The following CSMD3 variants were observed in gnomAD, a reference collection of about 807,000 sequenced individuals.
The protein encoded by CSMD3 is CUB and sushi domain-containing protein 3.
In CSMD3, 177 loss-of-function variants were observed where a neutral mutation model predicts 435.2. The ratio of observed to expected loss-of-function variants is 0.41; its 90% confidence interval spans 0.36 to 0.46. The LOEUF (loss-of-function observed/expected upper bound fraction) is 0.46. Among genes scored for constraint, CSMD3 ranks in the 20% least tolerant of loss-of-function variants. CSMD3 has a pLI of 0.34. For missense variants in CSMD3, 4,265 were observed against 4,504.6 expected, an observed-to-expected ratio of 0.95 and a Z score of 1.52; for synonymous variants, 1,656 against 1,520.5, an observed-to-expected ratio of 1.09 and a Z score of -2.07.
intron 32 of CSMD3, among the ~76,000 whole-genome samples, chr8:112,413,098 A>C (rs1811526812): frequency 6.6e-6 from 1 of 152,198 alleles, no homozygotes; most frequent in African/African-American, 2.4e-5. Context: ...TAAAAAAATC[A>C]CTTTAAAAGT....
chr8:112,990,997 C>T lies in CSMD3; in HGVS notation c.1031-14849G>A, dbSNP rs2085437555. The stretch of plus-strand genomic sequence containing the variant: ...TTTTGTTGTTCCTAAATGTGATTAC[C>T]TCGGGTCATCTCTAAAGAAAAATGG... On this transcript the variant is annotated intron_variant, in intron 6 of 70. Coordinates refer to ENST00000297405, the MANE Select transcript of CSMD3 (RefSeq NM_198123.2). Among the ~76,000 whole-genome samples the T allele has an allele frequency of 3.3e-5, 5 of 151,434 alleles. No individual in the cohort carries two copies. The Admixed American group carries it at 3.3e-4, about 10-fold the overall frequency.
intron 31 of CSMD3, 122 bp downstream of exon 31, chr8:112,492,367 T>C: frequency 1.3e-6 from 1 of 783,810 alleles, no homozygotes; most frequent in South Asian, 1.5e-5. Context: ...ATCTCTGCAT[T>C]GCTAGTACGA....
intron 36 of CSMD3, among the ~76,000 whole-genome samples, chr8:112,388,349 A>G (rs995644997): frequency 1.3e-5 from 2 of 152,198 alleles, no homozygotes; most frequent in Non-Finnish European, 2.9e-5. Context: ...CGTACAGGGA[A>G]TAGACTGCAG....
intron 9 of CSMD3, among the ~76,000 whole-genome samples, chr8:112,945,917 A>G (rs778467622): frequency 1.1e-4 from 16 of 151,652 alleles, no homozygotes; most frequent in Non-Finnish European, 7.4e-5. Flanking sequence ...CCACGGGAGT[A>G]GGACCTTCTT....
At chr8:113,160,232 T>C (rs1235107871) in intron 4 of CSMD3, among the ~76,000 whole-genome samples, 1 of 151,942 alleles carries the variant, frequency 6.6e-6, no homozygotes, top group Admixed American at 6.6e-5. Flanking sequence ...TAATTCATAT[T>C]ATAATAACAA....
At chr8:112,829,660 G>A (rs1420200906) in intron 12 of CSMD3, 26 bp downstream of exon 12, 1 of 1,389,172 alleles carries the variant, frequency 7.2e-7, no homozygotes, top group Non-Finnish European at 1.0e-6. Flanking sequence ...ATAGGCTAAG[G>A]CAAAAATGAA....
intron 3 of CSMD3, among the ~76,000 whole-genome samples, chr8:113,276,109 C>T (rs1382925618): frequency 6.6e-6 from 1 of 152,054 alleles, no homozygotes; most frequent in African/African-American, 2.4e-5. Flanking sequence ...CCCTCTGGAT[C>T]ATGTTACATA....
chr8:113,393,984 T>C (rs2094472149), intron 1 of CSMD3, among the ~76,000 whole-genome samples: 1 of 152,068 alleles, frequency 6.6e-6, no homozygotes, highest in Non-Finnish European at 1.5e-5. Flanking sequence ...TATGCTTAAT[T>C]TTATAAAGTG....
intron 1 of CSMD3, among the ~76,000 whole-genome samples, chr8:113,399,551 A>T (rs1286061240): frequency 6.6e-6 from 1 of 151,946 alleles, no homozygotes; most frequent in Non-Finnish European, 1.5e-5. Flanking sequence ...GTTACAAAAG[A>T]TTATATATTT....
At chr8:113,192,854 T>C (rs1412736518) in intron 3 of CSMD3, among the ~76,000 whole-genome samples, 1 of 151,312 alleles carries the variant, frequency 6.6e-6, no homozygotes, top group Non-Finnish European at 1.5e-5. Flanking sequence ...TTAGCTTCTA[T>C]GCTAGAGAAC....
chr8:112,932,154 G>T (rs978322805), intron 9 of CSMD3, among the ~76,000 whole-genome samples: 1 of 152,276 alleles, frequency 6.6e-6, no homozygotes, highest in East Asian at 1.9e-4. Context: ...CATGTTTATT[G>T]CAACACTATT....
chr8:112,604,347 A>C (rs1484312846), intron 22 of CSMD3, among the ~76,000 whole-genome samples: 2 of 152,056 alleles, frequency 1.3e-5, no homozygotes, highest in African/African-American at 4.8e-5. Context: ...TTTTTTTCTA[A>C]TTATGTGAAA....
At chr8:112,870,127 G>A (rs1420556181) in intron 10 of CSMD3, among the ~76,000 whole-genome samples, 1 of 151,564 alleles carries the variant, frequency 6.6e-6, no homozygotes, top group Non-Finnish European at 1.5e-5. Context: ...TAGGTTCAGG[G>A]TACATGCGGC....
chr8:112,423,520 G>C (rs1812734271), intron 32 of CSMD3, among the ~76,000 whole-genome samples: 1 of 152,022 alleles, frequency 6.6e-6, no homozygotes, highest in South Asian at 2.1e-4. Context: ...TGTGATCCTG[G>C]CTCACTGCAG....
intron 5 of CSMD3, among the ~76,000 whole-genome samples, chr8:113,058,500 C>T (rs1315332654): frequency 6.6e-6 from 1 of 151,414 alleles, no homozygotes; most frequent in African/African-American, 2.4e-5. Context: ...GGAAATACAG[C>T]CCTTAAGTTT....
At chr8:112,585,527 C>A (rs1830659571) in intron 23 of CSMD3, among the ~76,000 whole-genome samples, 1 of 150,978 alleles carries the variant, frequency 6.6e-6, no homozygotes, top group Admixed American at 6.6e-5. Flanking sequence ...TGGCTTTACT[C>A]CAAATAAGTA....
intron 16 of CSMD3, among the ~76,000 whole-genome samples, chr8:112,678,287 A>G (rs993779692): frequency 6.6e-6 from 1 of 152,156 alleles, no homozygotes; most frequent in Non-Finnish European, 1.5e-5. Flanking sequence ...ATCTAGATGA[A>G]GTTGAGTTGA....
chr8:112,547,345 C>A (rs561303042), intron 27 of CSMD3, among the ~76,000 whole-genome samples: 2 of 151,886 alleles, frequency 1.3e-5, no homozygotes, highest in Non-Finnish European at 1.5e-5. Flanking sequence ...AATTAAAATA[C>A]CATTACCAGC....
At chr8:112,324,361 T>A (rs1823293860) in intron 45 of CSMD3, among the ~76,000 whole-genome samples, 1 of 152,140 alleles carries the variant, frequency 6.6e-6, no homozygotes, top group Non-Finnish European at 1.5e-5. Flanking sequence ...TTTTGTATTG[T>A]ATTTGCATTT....
Sources: allele counts gnomAD v4.1 joint callset (sites outside exome capture counted in the v4.1 genomes callset), GRCh38; gene constraint gnomAD v4.1.1; transcripts MANE v1.5; gene names NCBI Gene and HGNC (gene_info 2026-07-23, HGNC 2026-07-21).